The following NFATC3 variants were observed in gnomAD, a reference collection of about 807,000 sequenced individuals.
NFATC3 encodes the protein nuclear factor of activated T cells 3.
In NFATC3, 46 loss-of-function variants were observed where a neutral mutation model predicts 98.6. That is an observed-to-expected ratio of 0.47 (90% CI 0.37 to 0.60). The LOEUF (loss-of-function observed/expected upper bound fraction) is 0.60. NFATC3 is among the 20% of genes least tolerant of loss of function. The probability of loss-of-function intolerance (pLI) is 0.00; values close to 1 mark genes in which losing one functional copy is unlikely to be tolerated. For missense variants in NFATC3, 1,256 were observed against 1,295.5 expected (o/e 0.97, Z 0.47); for synonymous variants, 512 against 472.2 (o/e 1.08, Z -1.09).
At chr16:68,106,473 G>A (rs1453022118) in intron 1 of NFATC3, among the ~76,000 whole-genome samples, 1 of 151,822 alleles carries the variant, frequency 6.6e-6, no homozygotes, top group Non-Finnish European at 1.5e-5. Context: ...TGTATGTTTA[G>A]TAGAGACGGG....
At chr16:68,137,791 T>C (rs1349810314) in intron 3 of NFATC3, among the ~76,000 whole-genome samples, 1 of 151,776 alleles carries the variant, frequency 6.6e-6, no homozygotes, top group Non-Finnish European at 1.5e-5. Context: ...TTTTTTTGTA[T>C]TTTTTTAGTA....
At chr16:68,098,296 TATTA>T (rs1196450305) in intron 1 of NFATC3, among the ~76,000 whole-genome samples, 18 of 112,584 alleles carry the variant, frequency 1.6e-4, no homozygotes, top group South Asian at 2.8e-4. Context: ...TTATTATTAT[TATTA>T]TTTTTTTTTT....
intron 1 of NFATC3, among the ~76,000 whole-genome samples, chr16:68,095,753 C>T (rs1054751953): frequency 6.6e-6 from 1 of 152,102 alleles, no homozygotes; most frequent in Admixed American, 6.5e-5. Flanking sequence ...TGGGGATGGG[C>T]ATGGGAGTTG....
intron 2 of NFATC3, among the ~76,000 whole-genome samples, chr16:68,126,048 A>G (rs1313673145): frequency 6.6e-6 from 1 of 152,004 alleles, no homozygotes; most frequent in African/African-American, 2.4e-5. Flanking sequence ...GAGTGCCACC[A>G]TGCCCAGCTA....
At chr16:68,193,565 A>C (rs2151118643) in intron 9 of NFATC3, among the ~76,000 whole-genome samples, 1 of 152,270 alleles carries the variant, frequency 6.6e-6, no homozygotes, top group South Asian at 2.1e-4. Context: ...GCTACTAGGA[A>C]GACTGAAGTG....
rs1227844638 is a variant in NFATC3, at chr16:68,228,384, C to T, written c.*1913C>T. On this transcript the variant is annotated 3_prime_UTR_variant, in exon 10 of 10. Transcript: ENST00000346183. ...TTCCAGAGAAATGGCCAGACTTGCC[C>T]CTACCCTTTTGCCCCTGGTGTAGCT... is the stretch of plus-strand genomic sequence containing the variant. The T allele has an allele frequency of 6.6e-6, 1 of 152,092 alleles. No individual in the cohort carries two copies. The highest frequency in any genetic ancestry group is 1.5e-5 in the Non-Finnish European group (1 of 68,016). 9.4% of individuals were successfully genotyped at this position (152,092 alleles called of 1,614,324 possible). A position where few individuals can be genotyped will look rare whatever the true frequency, so the allele number is the denominator to read the frequency against.
intron 3 of NFATC3, among the ~76,000 whole-genome samples, chr16:68,138,227 A>G (rs1196727867): frequency 2.0e-5 from 3 of 151,380 alleles, no homozygotes; most frequent in Non-Finnish European, 4.4e-5. Context: ...TTTAGTAGAG[A>G]TGGGGTTTCG....
rs934984560 is a variant in NFATC3 at position 68,085,705 on chromosome 16, C to T, written c.24C>T (p.Ala8=). 5 of 1,515,402 alleles carry T rather than the reference C, an allele frequency of 3.3e-6. No homozygotes were observed. The highest frequency in any genetic ancestry group is 2.9e-5 in the African/African-American group (2 of 68,916). The allele number at this position is 1,515,402 out of a possible 1,614,324, so 93.9% of individuals were successfully genotyped here. A position where few individuals can be genotyped will look rare whatever the true frequency, so the allele number is the denominator to read the frequency against. Residue 8 remains alanine, a synonymous_variant, in exon 1 of 10, where the codon GCC becomes GCT. Transcript: ENST00000346183. ...CGATGACTACTGCAAACTGTGGCGC[C>T]CACGACGAGCTCGACTTCAAACTCG... The part of the protein sequence containing the change: MTTANCG[A]HDELDFKLVF...
At chr16:68,161,565 C>T (rs913812493) in intron 4 of NFATC3, among the ~76,000 whole-genome samples, 5 of 152,118 alleles carry the variant, frequency 3.3e-5, no homozygotes, top group East Asian at 1.9e-4. Context: ...TAGTGTTTCC[C>T]GATGGCATGG....
At chr16:68,217,854 G>A (rs888353253) in intron 9 of NFATC3, 8 of 1,228,662 alleles carry the variant, frequency 6.5e-6, no homozygotes, top group East Asian at 6.3e-5. Flanking sequence ...TGAAGAAAAC[G>A]AATTGCATGG....
chr16:68,198,820 G>T (rs949905139), intron 9 of NFATC3, among the ~76,000 whole-genome samples: 16 of 152,124 alleles, frequency 1.1e-4, no homozygotes, highest in Non-Finnish European at 1.9e-4. Context: ...AGGCCAAGGC[G>T]GGCAGATCAT....
intron 3 of NFATC3, chr16:68,138,672 T>C: frequency 7.8e-7 from 1 of 1,285,836 alleles, no homozygotes. Flanking sequence ...CTACAAGTAG[T>C]CACATGGCCC....
At chr16:68,099,366 C>T (rs192798065) in intron 1 of NFATC3, among the ~76,000 whole-genome samples, 3 of 151,754 alleles carry the variant, frequency 2.0e-5, no homozygotes, top group Non-Finnish European at 4.4e-5. Flanking sequence ...ACCCAGGAGG[C>T]GGAGCTTGCA....
At chr16:68,148,084 C>T (rs533077103) in intron 3 of NFATC3, among the ~76,000 whole-genome samples, 2 of 152,128 alleles carry the variant, frequency 1.3e-5, no homozygotes, top group South Asian at 2.1e-4. Flanking sequence ...GGCGCGATCT[C>T]GGCTCACTGC....
chr16:68,162,954 C>T (rs190953443), intron 4 of NFATC3, among the ~76,000 whole-genome samples: 27 of 140,350 alleles, frequency 1.9e-4, no homozygotes, highest in Non-Finnish European at 2.2e-4. Context: ...CTCTTAACAA[C>T]GAGCACGCTG....
intron 3 of NFATC3, among the ~76,000 whole-genome samples, chr16:68,129,297 A>G (rs2037001535): frequency 2.6e-5 from 4 of 152,162 alleles, no homozygotes; most frequent in Admixed American, 2.6e-4. Flanking sequence ...GTCTCTCGTT[A>G]AGGGGAGACT....
chr16:68,100,683 G>T (rs1277992920), intron 1 of NFATC3, among the ~76,000 whole-genome samples: 2 of 151,704 alleles, frequency 1.3e-5, no homozygotes, highest in Non-Finnish European at 2.9e-5. Flanking sequence ...GCAGCATTTG[G>T]TATTAACACC....
intron 9 of NFATC3, among the ~76,000 whole-genome samples, chr16:68,209,063 T>G (rs1803128384): frequency 6.6e-6 from 1 of 152,166 alleles, no homozygotes; most frequent in Non-Finnish European, 1.5e-5. Context: ...CATCTTTGCT[T>G]TGTTTGTGAT....
chr16:68,220,472 G>C (rs2041817571), intron 9 of NFATC3, among the ~76,000 whole-genome samples: 4 of 151,678 alleles, frequency 2.6e-5, no homozygotes, highest in Admixed American at 2.6e-4. Context: ...AAAAAATTGG[G>C]GGGAAGAAAA....
Sources: gnomAD v4.1 joint callset for allele counts (sites outside exome capture counted in the v4.1 genomes callset) on GRCh38, gnomAD v4.1.1 for gene constraint, MANE v1.5 for transcripts, NCBI Gene and HGNC (gene_info 2026-07-23, HGNC 2026-07-21) for gene names.